Variants in SDK1 observed in about 807,000 individuals in gnomAD.
The protein encoded by SDK1 is sidekick cell adhesion molecule 1.
A neutral mutation model predicts 245.5 loss-of-function variants in SDK1; 157 were observed. The observed-to-expected ratio is 0.64, with a 90% CI of 0.56 to 0.73. The LOEUF is 0.73. SDK1 is among the 30% of genes least tolerant of loss of function. The pLI, the probability that SDK1 is intolerant of heterozygous loss-of-function variation, is 0.00. For synonymous variants in SDK1, 1,647 were observed against 1,278.5 expected (o/e 1.29, Z -6.15); for missense variants, 3,583 against 3,002.3 (o/e 1.19, Z -4.52).
intron 1 of SDK1, among the ~76,000 whole-genome samples, chr7:3,412,127 A>G (rs1242922126): frequency 6.6e-6 from 1 of 152,170 alleles, no homozygotes; most frequent in Non-Finnish European, 1.5e-5. Flanking sequence ...AGTAAACAGA[A>G]GTAGAGCTAG....
intron 18 of SDK1, among the ~76,000 whole-genome samples, chr7:4,049,944 G>A (rs970591157): frequency 2.0e-5 from 3 of 152,156 alleles, no homozygotes; most frequent in African/African-American, 7.2e-5. Context: ...CGCCCATACT[G>A]AATTAGACAC....
chr7:4,124,614 A>C (rs1784264112), intron 25 of SDK1, among the ~76,000 whole-genome samples: 1 of 152,236 alleles, frequency 6.6e-6, no homozygotes, highest in Non-Finnish European at 1.5e-5. Flanking sequence ...ACCGGAGGTT[A>C]GGATAACAAA....
At chr7:4,063,565 T>C (rs1779678693) in intron 19 of SDK1, among the ~76,000 whole-genome samples, 1 of 147,342 alleles carries the variant, frequency 6.8e-6, no homozygotes. Context: ...GCAATCTCTA[T>C]CAAAATACCA....
chr7:4,247,284 T>G (rs1358564669), intron 44 of SDK1, among the ~76,000 whole-genome samples: 3 of 151,966 alleles, frequency 2.0e-5, no homozygotes, highest in African/African-American at 7.3e-5. Context: ...CAGGTGGGTG[T>G]GGTGAGGCCG....
intron 1 of SDK1, among the ~76,000 whole-genome samples, chr7:3,361,533 G>T (rs115158983): frequency 6.6e-6 from 1 of 151,838 alleles, no homozygotes; most frequent in Non-Finnish European, 1.5e-5. Flanking sequence ...TTTGTTCTCC[G>T]CCCTGTGATT....
At chr7:4,107,467 T>G (rs904565127) in intron 22 of SDK1, among the ~76,000 whole-genome samples, 1 of 148,396 alleles carries the variant, frequency 6.7e-6, no homozygotes, top group Non-Finnish European at 1.5e-5. Context: ...ATGGAAGTCA[T>G]CCCTTTTTCT....
chr7:3,413,793 C>T (rs1445603986), intron 1 of SDK1, among the ~76,000 whole-genome samples: 2 of 152,118 alleles, frequency 1.3e-5, no homozygotes, highest in Admixed American at 6.5e-5. Flanking sequence ...TTTGAGACAG[C>T]CTTGGCAATG....
chr7:3,528,458 A>G (rs1239981065), intron 1 of SDK1, among the ~76,000 whole-genome samples: 2 of 151,914 alleles, frequency 1.3e-5, no homozygotes, highest in African/African-American at 2.4e-5. Flanking sequence ...CTTAGATTTT[A>G]TTGATTTTCT....
chr7:3,392,456 C>T (rs1781782810), intron 1 of SDK1, among the ~76,000 whole-genome samples: 1 of 151,848 alleles, frequency 6.6e-6, no homozygotes, highest in Non-Finnish European at 1.5e-5. Context: ...AATATATATA[C>T]ACACATATAG....
At chr7:3,396,086 TAACAC>T (rs1432864205) in intron 1 of SDK1, among the ~76,000 whole-genome samples, 2 of 151,886 alleles carry the variant, frequency 1.3e-5, no homozygotes, top group Non-Finnish European at 2.9e-5. Context: ...ATAGGAATGT[TAACAC>T]TATACGTTTT....
intron 22 of SDK1, among the ~76,000 whole-genome samples, chr7:4,088,821 T>C (rs1449661998): frequency 6.6e-6 from 1 of 152,236 alleles, no homozygotes; most frequent in African/African-American, 2.4e-5. Context: ...ATCGATAGTG[T>C]ATTTTCTCAC....
At chr7:3,802,025 A>C (rs997500339) in intron 4 of SDK1, among the ~76,000 whole-genome samples, 5 of 152,076 alleles carry the variant, frequency 3.3e-5, no homozygotes, top group African/African-American at 1.2e-4. Context: ...TTACTTTTTA[A>C]CTTTTTACTG....
intron 1 of SDK1, among the ~76,000 whole-genome samples, chr7:3,515,596 C>G (rs986509896): frequency 2.6e-5 from 4 of 152,148 alleles, no homozygotes; most frequent in Non-Finnish European, 5.9e-5. Flanking sequence ...AAATAGTAGA[C>G]TTCTCTTATG....
intron 17 of SDK1, among the ~76,000 whole-genome samples, chr7:4,029,398 A>C (rs1787616599): frequency 6.6e-6 from 1 of 151,862 alleles, no homozygotes; most frequent in Non-Finnish European, 1.5e-5. Context: ...TTTAGTGGAG[A>C]CAGGATTTCA....
At chr7:4,185,835 T>A (rs1782858996) in intron 35 of SDK1, among the ~76,000 whole-genome samples, 2 of 149,746 alleles carry the variant, frequency 1.3e-5, no homozygotes, top group Non-Finnish European at 3.0e-5. Context: ...GAGAAACACA[T>A]TTAGACAGGA....
intron 4 of SDK1, among the ~76,000 whole-genome samples, chr7:3,760,241 A>C (rs1441173278): frequency 6.6e-6 from 1 of 152,172 alleles, no homozygotes; most frequent in Non-Finnish European, 1.5e-5. Flanking sequence ...GTTTTTGATC[A>C]ATTTCAACAG....
chr7:3,539,214 C>T (rs1261868012), intron 1 of SDK1, among the ~76,000 whole-genome samples: 1 of 152,086 alleles, frequency 6.6e-6, no homozygotes, highest in African/African-American at 2.4e-5. Flanking sequence ...CTCACTTGGA[C>T]CTATCAAGGA....
chr7:3,755,110 C>T (rs1779882207), intron 4 of SDK1, among the ~76,000 whole-genome samples: 1 of 152,130 alleles, frequency 6.6e-6, no homozygotes, highest in South Asian at 2.1e-4. Context: ...GGCAGAGACT[C>T]AAAGGCAGCC....
intron 5 of SDK1, among the ~76,000 whole-genome samples, chr7:3,938,710 A>G (rs4723284): frequency 0.42 from 63,441 of 151,324 alleles, 15,678 homozygotes; most frequent in African/African-American, 0.7. Context: ...TCACTCTAGC[A>G]TCCAATCATG....
Sources: allele counts gnomAD v4.1 joint callset (sites outside exome capture counted in the v4.1 genomes callset), GRCh38; gene constraint gnomAD v4.1.1; transcripts MANE v1.5; gene names NCBI Gene and HGNC (gene_info 2026-07-23, HGNC 2026-07-21).